Variants in PHKB observed in about 807,000 individuals in gnomAD.
PHKB encodes phosphorylase kinase regulatory subunit beta.
Under a neutral mutation model 152.1 loss-of-function variants are expected in PHKB, and 122 were observed. That is an observed-to-expected ratio of 0.80 (90% CI 0.69 to 0.93). The LOEUF (loss-of-function observed/expected upper bound fraction) is 0.93. Among genes scored for constraint, PHKB ranks in the 40% least tolerant of loss-of-function variants. The pLI, the probability that PHKB is intolerant of heterozygous loss-of-function variation, is 0.00. For synonymous variants in PHKB, 436 were observed against 464.9 expected (o/e 0.94, Z 0.80); for missense variants, 1,304 against 1,328.4 (o/e 0.98, Z 0.29).
At position 47,641,006 on chromosome 16, in the gene PHKB, T is replaced by G. The variant is rs199498125; in HGVS notation, c.1459-29T>G. 14 of 1,597,776 alleles carry G rather than the reference T, an allele frequency of 8.8e-6. No individual in the cohort carries two copies. The East Asian group carries it at 2.9e-4, about 33-fold the overall frequency. The stretch of plus-strand genomic sequence containing the variant: ...GATGATGACCAGATCTTTTAAAATG[T>G]TTTCCCCCTCCCTTATTCTGCATTA... On this transcript the variant is annotated intron_variant, in intron 14 of 30. Coordinates refer to ENST00000323584, the MANE Select transcript of PHKB (RefSeq NM_000293.3).
intron 7 of PHKB, among the ~76,000 whole-genome samples, chr16:47,552,800 A>AAC (rs61186489): frequency 0.066 from 9,418 of 143,436 alleles, 345 homozygotes; most frequent in African/African-American, 0.12. Flanking sequence ...CCCCATCTCA[A>AAC]ACACACACAC....
At position 47,587,770 on chromosome 16, in the gene PHKB, C is replaced by T. The variant is rs372819242; in HGVS notation, c.870+7C>T. On this transcript the variant is annotated splice_region_variant and intron_variant, in intron 9 of 30. Coordinates refer to ENST00000323584, the MANE Select transcript of PHKB (RefSeq NM_000293.3). Reference sequence around the variant, plus strand: ...CAGAGAATCAAGATCACATGTGAGACATTTAATAATGATAAATTTAACATG... The same window carrying T: ...CAGAGAATCAAGATCACATGTGAGATATTTAATAATGATAAATTTAACATG... 39 of 1,574,316 alleles carry T rather than the reference C, an allele frequency of 2.5e-5. No individual in the cohort carries two copies. Among genetic ancestry groups the T allele is most frequent in the African/African-American group, 2.7e-5 (2 of 74,170 alleles).
intron 6 of PHKB, among the ~76,000 whole-genome samples, chr16:47,544,575 G>A (rs917322816): frequency 1.3e-5 from 2 of 152,330 alleles, no homozygotes; most frequent in Middle Eastern, 3.4e-3. Context: ...TTGATTTGGG[G>A]TGTAGAGTTC....
intron 7 of PHKB, among the ~76,000 whole-genome samples, chr16:47,571,411 G>A (rs561165654): frequency 2.6e-5 from 4 of 152,264 alleles, no homozygotes; most frequent in Non-Finnish European, 4.4e-5. Context: ...GGTCTTCACT[G>A]TGGGAGGGGA....
At chr16:47,514,964 A>C (rs1691266778) in intron 5 of PHKB, among the ~76,000 whole-genome samples, 1 of 152,176 alleles carries the variant, frequency 6.6e-6, no homozygotes, top group Non-Finnish European at 1.5e-5. Context: ...ATGTTCCTGC[A>C]GTTGTTTACA....
At position 47,583,701 on chromosome 16, in the gene PHKB, A is replaced by G. The variant is rs192081974; in HGVS notation, c.774+3343A>G. On this transcript the variant is annotated intron_variant, in intron 8 of 30. Coordinates refer to ENST00000323584, the MANE Select transcript of PHKB (RefSeq NM_000293.3). ...GATCACACCACACAGGGGCAAAACC[A>G]GGAGTAAAACCAATGCCACTCCATA... Among the ~76,000 whole-genome samples the G allele has an allele frequency of 2.1e-4, 32 of 152,352 alleles. No individual in the cohort carries two copies. In the East Asian group the frequency reaches 6.0e-3, roughly 28 times the overall value.
chr16:47,536,114 C>T (rs977016971), intron 6 of PHKB, among the ~76,000 whole-genome samples: 5 of 152,088 alleles, frequency 3.3e-5, no homozygotes, highest in Admixed American at 6.5e-5. Context: ...TGCAGTGGCG[C>T]GATCTCGGCT....
intron 7 of PHKB, among the ~76,000 whole-genome samples, chr16:47,549,971 G>C (rs1178876677): frequency 6.6e-6 from 1 of 152,118 alleles, no homozygotes; most frequent in African/African-American, 2.4e-5. Flanking sequence ...ATGGATGAGA[G>C]ATGAAGTTTG....
intron 26 of PHKB, 24 bp downstream of exon 26, chr16:47,669,441 C>T: frequency 6.2e-7 from 1 of 1,602,618 alleles, no homozygotes; most frequent in Non-Finnish European, 8.5e-7. Flanking sequence ...TTTGCATTTG[C>T]ATAAAGAGAA....
At chr16:47,632,027 G>A (rs1972837086) in intron 14 of PHKB, among the ~76,000 whole-genome samples, 1 of 152,098 alleles carries the variant, frequency 6.6e-6, no homozygotes, top group African/African-American at 2.4e-5. Context: ...TCAACAAGCT[G>A]TCGTGTATTT....
chr16:47,508,915 C>T (rs1156642466), intron 4 of PHKB, among the ~76,000 whole-genome samples: 2 of 152,058 alleles, frequency 1.3e-5, no homozygotes, highest in Non-Finnish European at 2.9e-5. Flanking sequence ...GGCTTTAAAA[C>T]TCAAAATGTA....
intron 26 of PHKB, among the ~76,000 whole-genome samples, chr16:47,672,160 C>T (rs1973649283): frequency 6.6e-6 from 1 of 152,066 alleles, no homozygotes. Flanking sequence ...AGTCAAATTT[C>T]CTTATCTTTG....
At chr16:47,541,104 G>A (rs944319405) in intron 6 of PHKB, among the ~76,000 whole-genome samples, 13 of 151,988 alleles carry the variant, frequency 8.6e-5, no homozygotes, top group South Asian at 4.2e-4. Flanking sequence ...CCATTAACTC[G>A]TCATTTACAT....
At chr16:47,681,144 A>G (rs555784550) in intron 26 of PHKB, among the ~76,000 whole-genome samples, 2 of 152,290 alleles carry the variant, frequency 1.3e-5, no homozygotes, top group South Asian at 4.1e-4. Context: ...ACAGTTTGTT[A>G]CAATTTCTGT....
chr16:47,512,542 A>G (rs1477906997), intron 5 of PHKB, among the ~76,000 whole-genome samples: 1 of 152,240 alleles, frequency 6.6e-6, no homozygotes, highest in Non-Finnish European at 1.5e-5. Flanking sequence ...GTCATCCTTC[A>G]GTGAAGCTAA....
intron 26 of PHKB, among the ~76,000 whole-genome samples, chr16:47,679,106 C>T (rs951370280): frequency 6.6e-6 from 1 of 152,092 alleles, no homozygotes; most frequent in African/African-American, 2.4e-5. Context: ...TTTCTGAGGG[C>T]TCTGTTCTGT....
chr16:47,640,079 G>A (rs776309700), intron 14 of PHKB, among the ~76,000 whole-genome samples: 4 of 152,168 alleles, frequency 2.6e-5, no homozygotes, highest in Non-Finnish European at 4.4e-5. Flanking sequence ...GCACTTTGAC[G>A]ATGATTCTGG....
chr16:47,523,823 AAAG>A, intron 6 of PHKB, among the ~76,000 whole-genome samples: 1 of 152,218 alleles, frequency 6.6e-6, no homozygotes, highest in Non-Finnish European at 1.5e-5. Flanking sequence ...GAGGTCATTT[AAAG>A]AAAAGCTCTT....
chr16:47,528,236 ATTG>A (rs1289835161), intron 6 of PHKB, among the ~76,000 whole-genome samples: 1 of 152,196 alleles, frequency 6.6e-6, no homozygotes, highest in African/African-American at 2.4e-5. Flanking sequence ...GTCAGACCTT[ATTG>A]TAATAGCTAA....
Sources: allele counts gnomAD v4.1 joint callset (sites outside exome capture counted in the v4.1 genomes callset), GRCh38; gene constraint gnomAD v4.1.1; transcripts MANE v1.5; gene names NCBI Gene and HGNC (gene_info 2026-07-23, HGNC 2026-07-21).